CHLSN: variants seen among roughly 807,000 people sequenced by gnomAD.
CHLSN encodes the protein cholesin.
At chr7:1,000,373 C>A in the CHLSN span, 2 of 1,086,238 alleles carry the variant, frequency 1.8e-6, no homozygotes, top group South Asian at 1.5e-5. Context: ...GTGCCTGCCC[C>A]GCCGTGCACA....
the CHLSN span, among the ~76,000 whole-genome samples, chr7:980,849 G>A: frequency 3.9e-5 from 6 of 151,962 alleles, no homozygotes; most frequent in Admixed American, 2.0e-4. Flanking sequence ...TATCACGCCC[G>A]GCTAATTTTT....
At chr7:1,114,831 G>A in the CHLSN span, among the ~76,000 whole-genome samples, 4 of 152,272 alleles carry the variant, frequency 2.6e-5, no homozygotes, top group Non-Finnish European at 4.4e-5. Flanking sequence ...CGGGGCAGGA[G>A]GGGAGGTGGA....
At chr7:1,118,733 G>C in the CHLSN span, among the ~76,000 whole-genome samples, 6 of 145,036 alleles carry the variant, frequency 4.1e-5, no homozygotes, top group Non-Finnish European at 7.5e-5. Context: ...GGCCTGAGGA[G>C]GGAGAATCAC....
the CHLSN span, chr7:1,091,552 G>A: frequency 1.6e-6 from 1 of 609,054 alleles, no homozygotes. Flanking sequence ...CCCACTCTCT[G>A]CAGTTAACAA....
the CHLSN span, chr7:1,010,201 G>T: frequency 6.7e-7 from 1 of 1,482,776 alleles, no homozygotes; most frequent in South Asian, 1.3e-5. Flanking sequence ...AGACGGGTGC[G>T]CTGCCTGGGG....
At chr7:1,016,650 A>AGT in the CHLSN span, among the ~76,000 whole-genome samples, 3 of 91,128 alleles carry the variant, frequency 3.3e-5, no homozygotes, top group Non-Finnish European at 6.8e-5. Flanking sequence ...AGCGCACAGC[A>AGT]GCACACAGCA....
chr7:1,064,103 T>C, the CHLSN span, among the ~76,000 whole-genome samples: 10 of 105,840 alleles, frequency 9.4e-5, no homozygotes, highest in Admixed American at 3.7e-4. Flanking sequence ...CACACACACA[T>C]ACATGCGTGC....
At chr7:1,046,226 T>G in the CHLSN span, among the ~76,000 whole-genome samples, 3 of 152,174 alleles carry the variant, frequency 2.0e-5, no homozygotes, top group South Asian at 2.1e-4. Context: ...TCACAGCCCC[T>G]AGGATGTCAC....
At chr7:1,118,780 A>G in the CHLSN span, among the ~76,000 whole-genome samples, 4 of 128,338 alleles carry the variant, frequency 3.1e-5, no homozygotes, top group East Asian at 9.9e-4. Context: ...TGGGCAAGAT[A>G]GTGAGACCCC....
chr7:1,057,118 C>G, the CHLSN span, among the ~76,000 whole-genome samples: 1 of 152,064 alleles, frequency 6.6e-6, no homozygotes, highest in African/African-American at 2.4e-5. Flanking sequence ...TGGCAAGATG[C>G]GAACACCACA....
chr7:1,060,617 A>T, the CHLSN span, among the ~76,000 whole-genome samples: 2 of 152,210 alleles, frequency 1.3e-5, no homozygotes, highest in Non-Finnish European at 2.9e-5. Flanking sequence ...AGCAGGTCAG[A>T]GTCGGCCTCG....
At chr7:1,092,303 C>T in the CHLSN span, 1 of 1,611,692 alleles carries the variant, frequency 6.2e-7, no homozygotes, top group East Asian at 2.2e-5. Flanking sequence ...ACGCTGGTGC[C>T]CTTCACCGCC....
the CHLSN span, among the ~76,000 whole-genome samples, chr7:1,013,437 C>T: frequency 6.6e-6 from 1 of 152,290 alleles, no homozygotes; most frequent in South Asian, 2.1e-4. Context: ...GAGTTTCAGG[C>T]CTAGGATGCA....
chr7:1,020,584 C>T, the CHLSN span, among the ~76,000 whole-genome samples: 1 of 152,240 alleles, frequency 6.6e-6, no homozygotes, highest in Non-Finnish European at 1.5e-5. Context: ...ACTGCAGGGA[C>T]AGCTAGTCTC....
chr7:1,087,750 T>C, the CHLSN span, among the ~76,000 whole-genome samples: 1 of 152,238 alleles, frequency 6.6e-6, no homozygotes. Flanking sequence ...ATCATGCACA[T>C]GCTACTAAGT....
At chr7:1,048,022 C>T in the CHLSN span, among the ~76,000 whole-genome samples, 4 of 120,060 alleles carry the variant, frequency 3.3e-5, no homozygotes, top group Non-Finnish European at 5.0e-5. Context: ...GATGGATGTG[C>T]GGACAGGCTT....
At chr7:1,047,251 A>G in the CHLSN span, among the ~76,000 whole-genome samples, 1 of 152,216 alleles carries the variant, frequency 6.6e-6, no homozygotes, top group Non-Finnish European at 1.5e-5. Context: ...TCAGGCCCCC[A>G]GAGCCCGTCC....
chr7:989,808 A>G, the CHLSN span, among the ~76,000 whole-genome samples: 2 of 152,054 alleles, frequency 1.3e-5, no homozygotes, highest in South Asian at 4.1e-4. Flanking sequence ...GTCGAGCCAC[A>G]CAGTGGCACA....
chr7:1,026,999 C>G, the CHLSN span: 11 of 152,108 alleles, frequency 7.2e-5, no homozygotes, highest in African/African-American at 2.4e-4. Flanking sequence ...CACCTGGGCC[C>G]GGAGACACAG....
Sources: gnomAD v4.1 joint callset for allele counts (sites outside exome capture counted in the v4.1 genomes callset) on GRCh38, gnomAD v4.1.1 for gene constraint, MANE v1.5 for transcripts, NCBI Gene and HGNC (gene_info 2026-07-23, HGNC 2026-07-21) for gene names.